The following COBL variants were observed in gnomAD, a reference collection of about 807,000 sequenced individuals.
The protein encoded by COBL is cordon-bleu WH2 repeat protein.
COBL carries 51 observed loss-of-function variants against 98.8 expected under a neutral mutation model. The observed-to-expected ratio is 0.52, with a 90% CI of 0.41 to 0.65. The LOEUF is 0.65. Ranked by LOEUF, COBL falls within the 30% of genes least tolerant of loss-of-function variation. The pLI is 0.00. For synonymous variants in COBL, 634 were observed against 651.7 expected, an observed-to-expected ratio of 0.97 and a Z score of 0.41; for missense variants, 1,617 against 1,617.5, an observed-to-expected ratio of 1.00 and a Z score of 0.01.
intron 1 of COBL, among the ~76,000 whole-genome samples, chr7:51,220,389 A>G (rs1443743540): frequency 6.6e-6 from 1 of 152,182 alleles, no homozygotes; most frequent in Admixed American, 6.5e-5. Context: ...GAGGATCTGG[A>G]GTCCATGGAT....
chr7:51,104,576 A>G (rs1484548677), intron 6 of COBL, among the ~76,000 whole-genome samples: 3 of 152,218 alleles, frequency 2.0e-5, no homozygotes, highest in Non-Finnish European at 4.4e-5. Context: ...TAACATGAAA[A>G]GTACAGAAAC....
At chr7:51,077,127 A>T (rs556904155) in intron 7 of COBL, among the ~76,000 whole-genome samples, 1 of 152,212 alleles carries the variant, frequency 6.6e-6, no homozygotes, top group African/African-American at 2.4e-5. Flanking sequence ...ATGATGAAAA[A>T]TCCGTATGCA....
intron 1 of COBL, among the ~76,000 whole-genome samples, chr7:51,263,772 CT>C (rs1797931539): frequency 6.6e-6 from 1 of 152,190 alleles, no homozygotes; most frequent in Admixed American, 6.5e-5. Flanking sequence ...GATTGTGCTG[CT>C]GATAATGACA....
chr7:51,145,376 C>CT (rs369572448), intron 5 of COBL, among the ~76,000 whole-genome samples: 7,690 of 137,624 alleles, frequency 0.056, 578 homozygotes, highest in African/African-American at 0.17. Context: ...TATTCCTTTT[C>CT]TTTTTTTTTT....
chr7:51,192,109 T>A (rs760528684), intron 3 of COBL, among the ~76,000 whole-genome samples: 1 of 152,174 alleles, frequency 6.6e-6, no homozygotes, highest in Non-Finnish European at 1.5e-5. Flanking sequence ...CACTGTTTAC[T>A]TGAGGAATAA....
intron 5 of COBL, among the ~76,000 whole-genome samples, chr7:51,150,298 T>C (rs1785436522): frequency 6.6e-6 from 1 of 152,200 alleles, no homozygotes; most frequent in African/African-American, 2.4e-5. Context: ...GCCTGCAGCC[T>C]AGACAGCTTC....
At chr7:51,278,311 A>ATAG (rs954081109) in intron 1 of COBL, among the ~76,000 whole-genome samples, 6 of 151,672 alleles carry the variant, frequency 4.0e-5, no homozygotes, top group African/African-American at 1.5e-4. Context: ...AGGCACCCTC[A>ATAG]TCTATGATCA....
intron 6 of COBL, among the ~76,000 whole-genome samples, chr7:51,116,278 G>A (rs745367983): frequency 2.9e-4 from 44 of 151,994 alleles, no homozygotes; most frequent in Non-Finnish European, 2.1e-4. Flanking sequence ...TTTACTTTTG[G>A]GTTTTAAAAA....
chr7:51,170,531 A>AT (rs1654047284), intron 5 of COBL, among the ~76,000 whole-genome samples: 28 of 146,480 alleles, frequency 1.9e-4, no homozygotes, highest in Non-Finnish European at 3.4e-4. Context: ...ATATATATAT[A>AT]AATATATATC....
chr7:51,302,332 A>C (rs1259752851), intron 1 of COBL, among the ~76,000 whole-genome samples: 1 of 152,174 alleles, frequency 6.6e-6, no homozygotes, highest in Non-Finnish European at 1.5e-5. Flanking sequence ...CTGTAATCCT[A>C]GCATTTTGGA....
At chr7:51,158,994 G>A (rs983945817) in intron 5 of COBL, among the ~76,000 whole-genome samples, 1 of 152,078 alleles carries the variant, frequency 6.6e-6, no homozygotes, top group Non-Finnish European at 1.5e-5. Context: ...GCCGACCCTG[G>A]GACTGCCAGT....
chr7:51,173,792 C>T (rs2129045271), intron 5 of COBL, among the ~76,000 whole-genome samples: 1 of 152,194 alleles, frequency 6.6e-6, no homozygotes, highest in East Asian at 1.9e-4. Context: ...AACTATAATG[C>T]TTTTAAAACT....
chr7:51,016,502 G>A lies in COBL; in HGVS notation c.*1049C>T, dbSNP rs1430170597. The A allele has an allele frequency of 6.4e-6, 1 of 157,172 alleles. No individual in the cohort carries two copies. Among genetic ancestry groups the A allele is most frequent in the Non-Finnish European group, 1.4e-5 (1 of 71,688 alleles). The allele number at this position is 157,172 out of a possible 1,614,324, so 9.7% of individuals were successfully genotyped here. ...TTAGAGATATATATGAAAAACTACTGCTGTAGTTAGACCTCATTATAAATA... is the reference window on the plus strand; with the variant it reads ...TTAGAGATATATATGAAAAACTACTACTGTAGTTAGACCTCATTATAAATA... On this transcript the variant is annotated 3_prime_UTR_variant, in exon 13 of 13. Transcript: ENST00000265136.
At chr7:51,183,832 AG>A (rs1172785464) in intron 5 of COBL, among the ~76,000 whole-genome samples, 5 of 152,260 alleles carry the variant, frequency 3.3e-5, no homozygotes, top group African/African-American at 1.2e-4. Flanking sequence ...CACAGGCAGA[AG>A]GGCTCATGGC....
Position 51,184,377 on chromosome 7 carries a change from A to G in COBL, c.686-178T>C, listed in dbSNP as rs986244382. On this transcript the variant is annotated intron_variant, in intron 4 of 12. Coordinates refer to ENST00000265136, the MANE Select transcript of COBL (RefSeq NM_015198.5). ...CGAGCCACTTCAAGTCCTCAGGTCCATTTGGGAAATCACTACAGGTTCTTA... is the reference window on the plus strand; with the variant it reads ...CGAGCCACTTCAAGTCCTCAGGTCCGTTTGGGAAATCACTACAGGTTCTTA... 5.9e-5 allele frequency among the ~76,000 whole-genome samples: 9 copies of G among 152,338 alleles called. No homozygotes were observed. The South Asian group carries it at 1.4e-3, about 25-fold the overall frequency.
rs150855980 is a variant in COBL at position 51,109,859 on chromosome 7, G to A, written c.958-24555C>T. ...AAACGAAAGGCAGCCACATGTTTCC[G>A]TGGCTGAGGATGGAGCGCTGAGGCA... On this transcript the variant is annotated intron_variant, in intron 6 of 12. Transcript: ENST00000265136. Among the ~76,000 whole-genome samples, 778 of 152,242 alleles carry A rather than the reference G, an allele frequency of 5.1e-3. 6 individuals carry two copies. The highest frequency in any genetic ancestry group is 0.031 in the East Asian group (158 of 5,178).
At chr7:51,180,601 C>T (rs777623509) in intron 5 of COBL, among the ~76,000 whole-genome samples, 2 of 152,126 alleles carry the variant, frequency 1.3e-5, no homozygotes, top group Non-Finnish European at 2.9e-5. Flanking sequence ...ACTAATTTTA[C>T]AAATAAACTG....
intron 1 of COBL, among the ~76,000 whole-genome samples, chr7:51,291,760 CA>C (rs963334495): frequency 4.4e-4 from 64 of 144,784 alleles, no homozygotes; most frequent in African/African-American, 1.6e-3. Flanking sequence ...GACTCCGTCT[CA>C]AAAAAAAAAG....
rs188261320 is a variant in COBL at position 51,220,499 on chromosome 7, G to A, written c.42-555C>T. Reference sequence around the variant, plus strand: ...GTGGACAGATGCGGCTGTTTGGCAGGGAAAGGATGCGGGTGATGGTAAAGG... The same window carrying A: ...GTGGACAGATGCGGCTGTTTGGCAGAGAAAGGATGCGGGTGATGGTAAAGG... On this transcript the variant is annotated intron_variant, in intron 1 of 12. Coordinates refer to ENST00000265136, the MANE Select transcript of COBL (RefSeq NM_015198.5). Among the ~76,000 whole-genome samples the A allele has an allele frequency of 3.4e-3, 519 of 152,266 alleles. 2 individuals carry two copies. Among genetic ancestry groups the A allele is most frequent in the Non-Finnish European group, 5.6e-3 (380 of 68,024 alleles).
Sources: allele counts gnomAD v4.1 joint callset (sites outside exome capture counted in the v4.1 genomes callset), GRCh38; gene constraint gnomAD v4.1.1; transcripts MANE v1.5; gene names NCBI Gene and HGNC (gene_info 2026-07-23, HGNC 2026-07-21).